Variants in DPH6 observed in about 807,000 individuals in gnomAD.
The protein encoded by DPH6 is diphthamine biosynthesis 6.
DPH6 carries 33 observed loss-of-function variants against 38.2 expected under a neutral mutation model. That is an observed-to-expected ratio of 0.86 (90% CI 0.65 to 1.15). The LOEUF is 1.15. DPH6 is among the 50% of genes most tolerant of loss of function. The pLI is 0.00. For missense variants in DPH6, 325 were observed against 320.0 expected, an observed-to-expected ratio of 1.02 and a Z score of -0.12; for synonymous variants, 108 against 103.0, an observed-to-expected ratio of 1.05 and a Z score of -0.30.
intron 7 of DPH6, among the ~76,000 whole-genome samples, chr15:35,375,599 C>A (rs2052769181): frequency 1.3e-5 from 2 of 152,148 alleles, no homozygotes; most frequent in Admixed American, 6.6e-5. Context: ...TGCTCCCCAG[C>A]TGGCTGTCCT....
chr15:35,428,508 A>G (rs752908523), intron 5 of DPH6, among the ~76,000 whole-genome samples: 3 of 152,108 alleles, frequency 2.0e-5, no homozygotes, highest in Non-Finnish European at 2.9e-5. Context: ...TATACAGGAA[A>G]AAAACAAGGG....
chr15:35,378,145 C>G (rs1178710428), intron 7 of DPH6, among the ~76,000 whole-genome samples: 1 of 152,112 alleles, frequency 6.6e-6, no homozygotes, highest in South Asian at 2.1e-4. Flanking sequence ...AAAAAAACAA[C>G]CCCATCAAAA....
intron 3 of DPH6, among the ~76,000 whole-genome samples, chr15:35,529,554 T>G (rs1185160244): frequency 6.6e-6 from 1 of 152,144 alleles, no homozygotes; most frequent in African/African-American, 2.4e-5. Flanking sequence ...AATGGGATTT[T>G]TTCACCCTCT....
intron 3 of DPH6, among the ~76,000 whole-genome samples, chr15:35,291,930 C>T (rs1160158855): frequency 6.6e-6 from 1 of 152,006 alleles, no homozygotes; most frequent in Non-Finnish European, 1.5e-5. Context: ...CTATTTTGTT[C>T]AGTTCTCTTT....
chr15:35,158,301 G>T, the DPH6 span, among the ~76,000 whole-genome samples: 1 of 152,096 alleles, frequency 6.6e-6, no homozygotes, highest in Non-Finnish European at 1.5e-5. Context: ...GGCTATATAA[G>T]CATTTGGGGG....
chr15:35,391,782 G>C (rs796746471), intron 6 of DPH6, among the ~76,000 whole-genome samples: 28 of 152,298 alleles, frequency 1.8e-4, no homozygotes, highest in African/African-American at 6.3e-4. Flanking sequence ...CTGACCCCTT[G>C]CGCTTCCCAG....
intron 6 of DPH6, among the ~76,000 whole-genome samples, chr15:35,403,069 G>A (rs1363233360): frequency 6.6e-6 from 1 of 152,014 alleles, no homozygotes; most frequent in African/African-American, 2.4e-5. Context: ...AGGCAAAATT[G>A]TATGTATAGT....
At chr15:35,232,658 C>G (rs1486375136) in intron 3 of DPH6, among the ~76,000 whole-genome samples, 4 of 152,070 alleles carry the variant, frequency 2.6e-5, no homozygotes, top group Non-Finnish European at 5.9e-5. Flanking sequence ...GGGAAACACT[C>G]CAAGATTCTA....
At chr15:35,511,018 C>G (rs1018322842) in intron 3 of DPH6, among the ~76,000 whole-genome samples, 2 of 152,152 alleles carry the variant, frequency 1.3e-5, no homozygotes, top group African/African-American at 4.8e-5. Flanking sequence ...AAACCAGAGT[C>G]TAAAACCTGA....
chr15:35,257,517 G>C (rs1308280173), intron 3 of DPH6, among the ~76,000 whole-genome samples: 1 of 152,222 alleles, frequency 6.6e-6, no homozygotes, highest in East Asian at 1.9e-4. Context: ...GGATTTGGTA[G>C]AGGTGGTAGT....
chr15:35,196,377 C>T, the DPH6 span, among the ~76,000 whole-genome samples: 2 of 152,076 alleles, frequency 1.3e-5, no homozygotes, highest in African/African-American at 4.8e-5. Context: ...GATAGAGATG[C>T]TAAGCTTAAT....
the DPH6 span, among the ~76,000 whole-genome samples, chr15:35,202,473 T>G: frequency 6.6e-6 from 1 of 151,810 alleles, no homozygotes; most frequent in Non-Finnish European, 1.5e-5. Flanking sequence ...CAATCTAGAA[T>G]GTGCTCAACA....
At chr15:35,425,692 GGTGT>G (rs375783053) in intron 5 of DPH6, among the ~76,000 whole-genome samples, 1 of 147,290 alleles carries the variant, frequency 6.8e-6, no homozygotes, top group Non-Finnish European at 1.5e-5. Flanking sequence ...TGTGTGTATG[GGTGT>G]GTGTGTGTAT....
chr15:35,491,421 TTC>T (rs763360016), intron 3 of DPH6, among the ~76,000 whole-genome samples: 20 of 151,984 alleles, frequency 1.3e-4, no homozygotes, highest in Non-Finnish European at 2.5e-4. Flanking sequence ...ATAAACCAAA[TTC>T]TGTTAAGTTA....
At chr15:35,392,659 C>T (rs2053076403) in intron 6 of DPH6, among the ~76,000 whole-genome samples, 1 of 152,066 alleles carries the variant, frequency 6.6e-6, no homozygotes, top group Non-Finnish European at 1.5e-5. Flanking sequence ...CTTGTATAGA[C>T]CAAAATTTAA....
intron 3 of DPH6, among the ~76,000 whole-genome samples, chr15:35,295,870 G>A (rs1243619900): frequency 6.6e-6 from 1 of 151,904 alleles, no homozygotes; most frequent in African/African-American, 2.4e-5. Flanking sequence ...TGTATGCATT[G>A]TGCATATTGA....
the DPH6 span, among the ~76,000 whole-genome samples, chr15:35,161,975 G>A: frequency 6.6e-6 from 1 of 151,884 alleles, no homozygotes; most frequent in Non-Finnish European, 1.5e-5. Context: ...CAGTATTTAT[G>A]CACTTGCTCA....
At chr15:35,375,268 C>G (rs1019453847) in intron 7 of DPH6, among the ~76,000 whole-genome samples, 1 of 152,044 alleles carries the variant, frequency 6.6e-6, no homozygotes. Context: ...ATATGACATT[C>G]TGAGCACTAA....
chr15:35,216,535 A>C (rs2051411564), downstream of DPH6, among the ~76,000 whole-genome samples: 1 of 151,916 alleles, frequency 6.6e-6, no homozygotes, highest in South Asian at 2.1e-4. Context: ...ACTAGTAAAG[A>C]GATTAATGAG....
Sources: allele counts gnomAD v4.1 joint callset (sites outside exome capture counted in the v4.1 genomes callset), GRCh38; gene constraint gnomAD v4.1.1; transcripts MANE v1.5; gene names NCBI Gene and HGNC (gene_info 2026-07-23, HGNC 2026-07-21).